The following CFAP299 variants were observed in gnomAD, a reference collection of about 807,000 sequenced individuals.
The protein encoded by CFAP299 is cilia and flagella associated protein 299, also known as cilia- and flagella-associated protein 299.
A neutral mutation model predicts 27.0 loss-of-function variants in CFAP299; 21 were observed. That is an observed-to-expected ratio of 0.78 (90% CI 0.55 to 1.12). The LOEUF is 1.12. CFAP299 is among the 50% of genes most tolerant of loss of function. CFAP299 has a pLI of 0.00. For missense variants in CFAP299, 310 were observed against 276.6 expected (o/e 1.12, Z -0.86); for synonymous variants, 104 against 98.1 (o/e 1.06, Z -0.36).
intron 3 of CFAP299, among the ~76,000 whole-genome samples, chr4:80,740,089 T>C (rs1414361522): frequency 6.6e-6 from 1 of 152,202 alleles, no homozygotes; most frequent in Non-Finnish European, 1.5e-5. Flanking sequence ...TTAAGCTTCC[T>C]CAAGACAGCT....
At chr4:80,907,421 C>T (rs1044664741) in intron 4 of CFAP299, among the ~76,000 whole-genome samples, 2 of 152,298 alleles carry the variant, frequency 1.3e-5, no homozygotes, top group South Asian at 4.1e-4. Flanking sequence ...TATAGCAGCA[C>T]CCCACTCCCC....
chr4:80,591,545 C>T (rs1327129295), intron 3 of CFAP299, among the ~76,000 whole-genome samples: 1 of 151,998 alleles, frequency 6.6e-6, no homozygotes, highest in Non-Finnish European at 1.5e-5. Flanking sequence ...GGACAGGTGC[C>T]CTAGAGACCA....
chr4:80,605,734 T>C (rs1476519915), intron 3 of CFAP299, among the ~76,000 whole-genome samples: 1 of 152,198 alleles, frequency 6.6e-6, no homozygotes, highest in East Asian at 1.9e-4. Context: ...AATTTTCCTA[T>C]TGGGAAATAA....
intron 2 of CFAP299, among the ~76,000 whole-genome samples, chr4:80,575,048 C>A (rs878988174): frequency 6.6e-6 from 1 of 152,016 alleles, no homozygotes; most frequent in African/African-American, 2.4e-5. Context: ...ATTTGTTGTT[C>A]TTTAAATGTG....
chr4:80,651,077 A>AT (rs1740252068), intron 3 of CFAP299, among the ~76,000 whole-genome samples: 2 of 152,060 alleles, frequency 1.3e-5, no homozygotes, highest in African/African-American at 4.8e-5. Flanking sequence ...TGATTTGTAT[A>AT]TTTTTGTAAA....
At chr4:80,334,679 T>C (rs1446613802), upstream of CFAP299, among the ~76,000 whole-genome samples, 1 of 152,214 alleles carries the variant, frequency 6.6e-6, no homozygotes, top group Admixed American at 6.5e-5. Context: ...TAAAAACATG[T>C]CAGAATACAT....
intron 2 of CFAP299, among the ~76,000 whole-genome samples, chr4:80,531,469 T>G (rs1295288822): frequency 6.6e-6 from 1 of 152,232 alleles, no homozygotes; most frequent in Non-Finnish European, 1.5e-5. Context: ...TCCAGGGAAC[T>G]AGGCACCACC....
chr4:80,686,427 A>G (rs182550634), intron 3 of CFAP299, among the ~76,000 whole-genome samples: 16 of 152,308 alleles, frequency 1.1e-4, no homozygotes, highest in Admixed American at 9.8e-4. Context: ...TTTTGAGGCT[A>G]TGTTATAAAA....
chr4:80,872,897 ATCTC>A (rs907616276), intron 4 of CFAP299: 3 of 960,932 alleles, frequency 3.1e-6, no homozygotes, highest in African/African-American at 1.8e-5. Flanking sequence ...TCAAAATATC[ATCTC>A]TCTGTGTGTA....
At chr4:80,505,408 A>C (rs1731974316) in intron 2 of CFAP299, among the ~76,000 whole-genome samples, 2 of 142,126 alleles carry the variant, frequency 1.4e-5, no homozygotes, top group Admixed American at 6.9e-5. Flanking sequence ...ATGGTGTCTT[A>C]TTATTACAAG....
intron 3 of CFAP299, among the ~76,000 whole-genome samples, chr4:80,700,436 G>A (rs756774038): frequency 6.6e-5 from 10 of 151,980 alleles, no homozygotes; most frequent in African/African-American, 1.9e-4. Context: ...TGGTGGTACC[G>A]CTAACTAGAA....
chr4:80,466,913 T>C (rs2110111593), intron 2 of CFAP299, among the ~76,000 whole-genome samples: 1 of 152,352 alleles, frequency 6.6e-6, no homozygotes, highest in Non-Finnish European at 1.5e-5. Context: ...CAAAGTTTTG[T>C]TGAGAAACTT....
intron 2 of CFAP299, among the ~76,000 whole-genome samples, chr4:80,494,916 G>A (rs1291825116): frequency 6.6e-6 from 1 of 152,194 alleles, no homozygotes; most frequent in African/African-American, 2.4e-5. Context: ...ATTCTAGCAG[G>A]TCAGTCATTA....
At chr4:80,370,227 AG>A (rs1299662034) in intron 2 of CFAP299, among the ~76,000 whole-genome samples, 2 of 152,128 alleles carry the variant, frequency 1.3e-5, no homozygotes, top group Non-Finnish European at 2.9e-5. Context: ...GGAGAGTACC[AG>A]GGGGAAATCT....
At chr4:80,792,077 T>A (rs1420832032) in intron 3 of CFAP299, among the ~76,000 whole-genome samples, 2 of 152,078 alleles carry the variant, frequency 1.3e-5, no homozygotes, top group African/African-American at 4.8e-5. Context: ...TATATATGAC[T>A]TTGTGTCTGT....
chr4:80,956,628 T>G (rs993877914), intron 5 of CFAP299, among the ~76,000 whole-genome samples: 2 of 151,834 alleles, frequency 1.3e-5, no homozygotes, highest in African/African-American at 2.4e-5. Context: ...ATTTTCTTTT[T>G]TTTTTTTTAT....
intron 1 of CFAP299, among the ~76,000 whole-genome samples, chr4:80,357,763 C>G (rs913249802): frequency 4.0e-5 from 6 of 151,644 alleles, no homozygotes; most frequent in Non-Finnish European, 5.9e-5. Flanking sequence ...CCTATTTTAT[C>G]AATTTTTTCA....
At chr4:80,904,631 G>A (rs565501660) in intron 4 of CFAP299, among the ~76,000 whole-genome samples, 1 of 152,172 alleles carries the variant, frequency 6.6e-6, no homozygotes, top group Admixed American at 6.5e-5. Context: ...AAAGAGACAA[G>A]GAAGATGTTC....
intron 5 of CFAP299, among the ~76,000 whole-genome samples, chr4:80,949,417 G>C (rs145099683): frequency 1.2e-4 from 19 of 152,168 alleles, no homozygotes; most frequent in Admixed American, 7.9e-4. Context: ...GGTGAAGGGA[G>C]AGCATTGGAG....
Sources: allele counts gnomAD v4.1 joint callset (sites outside exome capture counted in the v4.1 genomes callset), GRCh38; gene constraint gnomAD v4.1.1; transcripts MANE v1.5; gene names NCBI Gene and HGNC (gene_info 2026-07-23, HGNC 2026-07-21).